The following AGO3 variants were observed in gnomAD, a reference collection of about 807,000 sequenced individuals.
AGO3 encodes the protein protein argonaute-3.
In AGO3, 16 loss-of-function variants were observed where a neutral mutation model predicts 105.5. The ratio of observed to expected loss-of-function variants is 0.15; its 90% CI spans 0.10 to 0.23. The LOEUF is 0.23. Among genes scored for constraint, AGO3 ranks in the 10% least tolerant of loss-of-function variants. The pLI is 1.00. For missense variants in AGO3, 534 were observed against 1,088.0 expected (o/e 0.49, Z 7.16); for synonymous variants, 340 against 367.3 (o/e 0.93, Z 0.85).
intron 2 of AGO3, among the ~76,000 whole-genome samples, chr1:35,949,868 C>T (rs971423007): frequency 2.6e-5 from 4 of 152,184 alleles, no homozygotes; most frequent in African/African-American, 4.8e-5. Context: ...AAGTGATCCT[C>T]CCAAAGTGCT....
intron 5 of AGO3, among the ~76,000 whole-genome samples, chr1:36,003,686 G>A: frequency 1.1e-5 from 1 of 90,656 alleles, no homozygotes; most frequent in East Asian, 3.5e-4. Flanking sequence ...AAGAGTGAAA[G>A]TCTGTCTCAA....
Position 36,059,433 on chromosome 1 carries a change from AT to A in AGO3, c.*3690del, listed in dbSNP as rs1306477490. 1 of 151,574 alleles carries A rather than the reference AT, an allele frequency of 6.6e-6. No individual in the cohort carries two copies. The highest frequency in any genetic ancestry group is 1.5e-5 in the Non-Finnish European group (1 of 67,914). 9.4% of individuals were successfully genotyped at this position (151,574 alleles called of 1,614,324 possible). On this transcript the variant is annotated 3_prime_UTR_variant, in exon 19 of 19. Transcript: ENST00000373191. ...TTTTTTTTTTTAAGTTAAACATGAA[AT>A]TCACAGTGACCCTTCTGCTCCTGCC...
At chr1:35,933,225 A>G (rs577071994) in intron 1 of AGO3, among the ~76,000 whole-genome samples, 71 of 152,326 alleles carry the variant, frequency 4.7e-4, no homozygotes, top group African/African-American at 1.7e-3. Flanking sequence ...CCTAATAATG[A>G]AGATAAGCTA....
chr1:35,993,397 G>A (rs1647873639), intron 5 of AGO3, among the ~76,000 whole-genome samples: 1 of 151,998 alleles, frequency 6.6e-6, no homozygotes, highest in Admixed American at 6.5e-5. Context: ...CAGGAAATTA[G>A]GAAAAAGCAG....
At position 36,065,226 on chromosome 1, in the gene AGO3, A is replaced by G. The variant is rs1348001472; in HGVS notation, c.*9481A>G. On this transcript the variant is annotated 3_prime_UTR_variant, in exon 19 of 19. Coordinates refer to ENST00000373191, the MANE Select transcript of AGO3 (RefSeq NM_024852.4). ...TGTATGTCCCCTTTTAAGGATATTT[A>G]TTGCGCTTATAACCTTAATAGTTGT... The G allele has an allele frequency of 6.6e-6, 1 of 152,080 alleles. No homozygotes were observed. Among genetic ancestry groups the G allele is most frequent in the Admixed American group, 6.5e-5 (1 of 15,270 alleles). 9.4% of individuals were successfully genotyped at this position (152,080 alleles called of 1,614,324 possible). A position where few individuals can be genotyped will look rare whatever the true frequency, so the allele number is the denominator to read the frequency against.
intron 1 of AGO3, among the ~76,000 whole-genome samples, chr1:35,940,379 T>C (rs1488844674): frequency 2.0e-5 from 3 of 152,174 alleles, no homozygotes; most frequent in Non-Finnish European, 4.4e-5. Context: ...AAAAAAATTT[T>C]TGATTCAAAA....
At chr1:35,940,062 T>A (rs1646225551) in intron 1 of AGO3, among the ~76,000 whole-genome samples, 3 of 151,636 alleles carry the variant, frequency 2.0e-5, no homozygotes, top group South Asian at 4.2e-4. Context: ...CTGTTTGCCT[T>A]AAAAAAAAAT....
rs1642953724 is a variant in AGO3, at chr1:36,057,384, G to T, written c.*1639G>T. On this transcript the variant is annotated 3_prime_UTR_variant, in exon 19 of 19. Transcript: ENST00000373191. ...TGTGTATATAAACACATATGTATGT[G>T]TTTGGAAGTATAGCTTCCTTTTCTT... The T allele has an allele frequency of 6.6e-6, 1 of 151,844 alleles. No homozygotes were observed. Among genetic ancestry groups the T allele is most frequent in the Non-Finnish European group, 1.5e-5 (1 of 67,966 alleles). 9.4% of individuals were successfully genotyped at this position (151,844 alleles called of 1,614,324 possible).
rs1646693944 is a variant in AGO3 at position 35,962,431 on chromosome 1, T to C, written c.192-4524T>C. Among the ~76,000 whole-genome samples, 4 of 151,532 alleles carry C rather than the reference T, an allele frequency of 2.6e-5. No homozygotes were observed. In the South Asian group the frequency reaches 8.3e-4, roughly 31 times the overall value. ...GGTGGCGGGTGCCTGTAGTCCCAGCTACTCGGGAGGCTGAGGCAGGAGAAT... is the reference window on the plus strand; with the variant it reads ...GGTGGCGGGTGCCTGTAGTCCCAGCCACTCGGGAGGCTGAGGCAGGAGAAT... On this transcript the variant is annotated intron_variant, in intron 2 of 18. Coordinates refer to ENST00000373191, the MANE Select transcript of AGO3 (RefSeq NM_024852.4).
intron 1 of AGO3, among the ~76,000 whole-genome samples, chr1:35,939,828 A>C (rs1646220344): frequency 6.6e-6 from 1 of 151,940 alleles, no homozygotes; most frequent in South Asian, 2.1e-4. Flanking sequence ...CCACCACCCA[A>C]ACGCAGTCAT....
chr1:36,038,181 G>GTA (rs1642092007), intron 14 of AGO3, among the ~76,000 whole-genome samples: 1 of 151,156 alleles, frequency 6.6e-6, no homozygotes, highest in South Asian at 2.1e-4. Flanking sequence ...TTGGAACATA[G>GTA]TATACTGCAG....
chr1:36,054,438 A>G (rs1471884431), intron 17 of AGO3, among the ~76,000 whole-genome samples: 1 of 151,728 alleles, frequency 6.6e-6, no homozygotes, highest in African/African-American at 2.4e-5. Context: ...ACATCTGGCT[A>G]ATTTTTTTTT....
rs58580607 is a variant in AGO3 at position 36,014,771 on chromosome 1, C to CAA, written c.1406+741_1406+742dup. ...GGGCAACAGAGTGAGACTCTGTCTCCAAAAAAAAAAAAAAAAAAACTTCTC... is the reference window on the plus strand; with the variant it reads ...GGGCAACAGAGTGAGACTCTGTCTCCAAAAAAAAAAAAAAAAAAAAACTTCTC... On this transcript the variant is annotated intron_variant, in intron 11 of 18. Transcript: ENST00000373191. Among the ~76,000 whole-genome samples, 56 of 58,440 alleles carry CAA rather than the reference C, an allele frequency of 9.6e-4. 1 individual carries two copies. The highest frequency in any genetic ancestry group is 2.6e-3 in the East Asian group (8 of 3,110). The allele number at this position is 58,440 out of a possible 152,430, so 38.3% of individuals were successfully genotyped here. A position where few individuals can be genotyped will look rare whatever the true frequency, so the allele number is the denominator to read the frequency against.
At chr1:35,983,319 C>T (rs1647090243) in intron 5 of AGO3, 1 of 151,382 alleles carries the variant, frequency 6.6e-6, no homozygotes, top group Admixed American at 6.6e-5. Context: ...CACTTGTAAT[C>T]CCAGCACTTT....
intron 2 of AGO3, among the ~76,000 whole-genome samples, chr1:35,957,229 A>G (rs1002473191): frequency 2.0e-5 from 3 of 151,424 alleles, no homozygotes; most frequent in Non-Finnish European, 4.4e-5. Flanking sequence ...ACATGCCTGT[A>G]ATCCCAGCTT....
At chr1:35,992,242 A>G (rs540013272) in intron 5 of AGO3, 1 of 152,252 alleles carries the variant, frequency 6.6e-6, no homozygotes, top group East Asian at 1.9e-4. Flanking sequence ...TGTGCTCTCA[A>G]CTGTGTCTGG....
chr1:35,969,352 A>G (rs942236197), intron 3 of AGO3, among the ~76,000 whole-genome samples: 9 of 152,096 alleles, frequency 5.9e-5, no homozygotes, highest in African/African-American at 2.2e-4. Context: ...GAAGTTTTTA[A>G]TTTTGAAATG....
At chr1:36,049,070 G>A (rs1281783234) in intron 17 of AGO3, among the ~76,000 whole-genome samples, 1 of 152,198 alleles carries the variant, frequency 6.6e-6, no homozygotes, top group African/African-American at 2.4e-5. Context: ...GGAGCTGAAG[G>A]TCATAATCCT....
intron 2 of AGO3, among the ~76,000 whole-genome samples, chr1:35,963,672 T>TA (rs900249936): frequency 3.1e-4 from 46 of 146,154 alleles, no homozygotes; most frequent in South Asian, 1.9e-3. Flanking sequence ...TGGGTTGGAG[T>TA]AAAAAAAAAA....
Sources: gnomAD v4.1 joint callset for allele counts (sites outside exome capture counted in the v4.1 genomes callset) on GRCh38, gnomAD v4.1.1 for gene constraint, MANE v1.5 for transcripts, NCBI Gene and HGNC (gene_info 2026-07-23, HGNC 2026-07-21) for gene names.